FRMD5: variants seen among roughly 807,000 people sequenced by gnomAD.
The protein encoded by FRMD5 is FERM domain-containing protein 5.
Under a neutral mutation model 69.0 loss-of-function variants are expected in FRMD5, and 20 were observed. The observed-to-expected ratio is 0.29, with a 90% CI of 0.20 to 0.42. The LOEUF is 0.42. Ranked by LOEUF, FRMD5 falls within the 10% of genes least tolerant of loss-of-function variation. FRMD5 has a pLI of 1.00. For missense variants in FRMD5, 595 were observed against 708.6 expected (o/e 0.84, Z 1.82); for synonymous variants, 271 against 260.1 (o/e 1.04, Z -0.40).
chr15:43,901,889 C>T (rs2089054190), intron 7 of FRMD5: 1 of 388,508 alleles, frequency 2.6e-6, no homozygotes, highest in Admixed American at 4.3e-5. Flanking sequence ...CTTCCATATC[C>T]CTCCTCTCTT....
At chr15:44,004,540 C>T (rs1890351779) in intron 1 of FRMD5, among the ~76,000 whole-genome samples, 1 of 152,080 alleles carries the variant, frequency 6.6e-6, no homozygotes, top group African/African-American at 2.4e-5. Context: ...ATCTGTGATC[C>T]TTAATGTTAC....
At position 44,195,155 on chromosome 15, in the gene FRMD5, C is replaced by T. The variant is rs2078269773; in HGVS notation, c.-101G>A. ...CCGCACCGACCCCAGGCACCTGCAC[C>T]ATCACCCCGGCCCCGTCGCTGCCGT... On this transcript the variant is annotated 5_prime_UTR_variant, in exon 1 of 14. The change abolishes an upstream ATG in the 5' untranslated region. Coordinates refer to ENST00000417257, the MANE Select transcript of FRMD5 (RefSeq NM_032892.5). 2 of 887,914 alleles carry T rather than the reference C, an allele frequency of 2.3e-6. No homozygotes were observed. The highest frequency in any genetic ancestry group is 6.2e-5 in the East Asian group (2 of 32,162). 55.0% of individuals were successfully genotyped at this position (887,914 alleles called of 1,614,324 possible).
intron 1 of FRMD5, among the ~76,000 whole-genome samples, chr15:43,996,398 G>A (rs2140154328): frequency 6.6e-6 from 1 of 152,318 alleles, no homozygotes; most frequent in East Asian, 1.9e-4. Context: ...CTTTCTCCAT[G>A]CTGTGCTGTC....
chr15:44,163,582 C>T (rs1372227801), intron 1 of FRMD5, among the ~76,000 whole-genome samples: 2 of 152,186 alleles, frequency 1.3e-5, no homozygotes, highest in Non-Finnish European at 2.9e-5. Flanking sequence ...TATTCATCAT[C>T]CTCATATGAC....
At chr15:43,888,380 G>C (rs2088714525) in intron 9 of FRMD5, 114 bp from the exon 10 acceptor site, 1 of 693,800 alleles carries the variant, frequency 1.4e-6, no homozygotes, top group African/African-American at 1.8e-5. Context: ...GCTAGTTAGA[G>C]GGGAGGGCCT....
In FRMD5 at chr15:43,940,283, T is replaced by C. The variant is rs528066349; in HGVS notation, c.103-15974A>G. Among the ~76,000 whole-genome samples, 14 of 152,330 alleles carry C rather than the reference T, an allele frequency of 9.2e-5. No individual in the cohort carries two copies. In the South Asian group the frequency reaches 2.9e-3, roughly 32 times the overall value. ...TTTCTGGGGCAGCCTCCTCAGTGCA[T>C]TCAAGTCATCCCTGCACTCCAAGAA... On this transcript the variant is annotated intron_variant, in intron 1 of 13. Transcript: ENST00000417257.
chr15:44,061,866 G>T (rs771869036), intron 1 of FRMD5, among the ~76,000 whole-genome samples: 1 of 152,140 alleles, frequency 6.6e-6, no homozygotes, highest in African/African-American at 2.4e-5. Context: ...GATACCGGAC[G>T]TAATACTTCT....
chr15:44,113,789 GTTTC>G (rs1219946114), intron 1 of FRMD5, among the ~76,000 whole-genome samples: 1 of 152,048 alleles, frequency 6.6e-6, no homozygotes, highest in Non-Finnish European at 1.5e-5. Context: ...CTGATCATCA[GTTTC>G]TTTGTTTTTA....
intron 1 of FRMD5, among the ~76,000 whole-genome samples, chr15:44,044,865 A>G (rs1892363274): frequency 6.6e-6 from 1 of 152,050 alleles, no homozygotes; most frequent in South Asian, 2.1e-4. Flanking sequence ...TACCTATGTA[A>G]CAAACCTCCA....
At chr15:44,066,395 G>GA (rs1446684813) in intron 1 of FRMD5, among the ~76,000 whole-genome samples, 2 of 152,168 alleles carry the variant, frequency 1.3e-5, no homozygotes, top group Non-Finnish European at 2.9e-5. Context: ...ATGTGATAGG[G>GA]ATTCAAAGAT....
At chr15:43,885,311 T>G (rs8035395) in intron 11 of FRMD5, among the ~76,000 whole-genome samples, 4,183 of 152,250 alleles carry the variant, frequency 0.027, 196 homozygotes, top group African/African-American at 0.096. Flanking sequence ...TAGCTGGGAC[T>G]ACAGGTGTGT....
rs530126660 is a variant in FRMD5 at position 44,029,771 on chromosome 15, G to C, written c.103-105462C>G. On this transcript the variant is annotated intron_variant, in intron 1 of 13. Coordinates refer to ENST00000417257, the MANE Select transcript of FRMD5 (RefSeq NM_032892.5). ...CTTTAAAACAGAACAGATGCTTAGAGATTCCGATTCAGTAGGTCTGGGGTG... is the reference window on the plus strand; with the variant it reads ...CTTTAAAACAGAACAGATGCTTAGACATTCCGATTCAGTAGGTCTGGGGTG... Among the ~76,000 whole-genome samples, 14 of 152,312 alleles carry C rather than the reference G, an allele frequency of 9.2e-5. No individual in the cohort carries two copies. In the East Asian group the frequency reaches 2.7e-3, roughly 29 times the overall value.
intron 1 of FRMD5, among the ~76,000 whole-genome samples, chr15:44,138,110 C>A (rs1449159255): frequency 6.6e-6 from 1 of 152,148 alleles, no homozygotes; most frequent in Non-Finnish European, 1.5e-5. Flanking sequence ...TGGTTAACAA[C>A]TGTCATTCGA....
At chr15:44,159,599 G>A (rs971328113) in intron 1 of FRMD5, among the ~76,000 whole-genome samples, 1 of 152,164 alleles carries the variant, frequency 6.6e-6, no homozygotes, top group Non-Finnish European at 1.5e-5. Context: ...TTTTGTGCTT[G>A]AGCAATCAAG....
intron 1 of FRMD5, among the ~76,000 whole-genome samples, chr15:44,177,889 A>G (rs767057266): frequency 6.6e-6 from 1 of 152,246 alleles, no homozygotes; most frequent in South Asian, 2.1e-4. Flanking sequence ...ACAAAGGGGC[A>G]TAAGAGAAAT....
intron 8 of FRMD5, among the ~76,000 whole-genome samples, chr15:43,890,359 G>A (rs2088766139): frequency 6.6e-6 from 1 of 152,206 alleles, no homozygotes; most frequent in Non-Finnish European, 1.5e-5. Flanking sequence ...AAAAGTGTCT[G>A]TGAGAACCAA....
chr15:44,051,702 G>GT lies in FRMD5; in HGVS notation c.103-127394dup, dbSNP rs944687848. Among the ~76,000 whole-genome samples the GT allele has an allele frequency of 4.6e-5, 7 of 151,684 alleles. No individual in the cohort carries two copies. In the South Asian group the frequency reaches 6.3e-4, roughly 14 times the overall value. Reference sequence around the variant, plus strand: ...CGTTACTGTTTTTTAGATTTTCCTTGTTTTTTTATGATCTTGACAGTTTCG... The same window carrying GT: ...CGTTACTGTTTTTTAGATTTTCCTTGTTTTTTTTATGATCTTGACAGTTTCG... On this transcript the variant is annotated intron_variant, in intron 1 of 13. Coordinates refer to ENST00000417257, the MANE Select transcript of FRMD5 (RefSeq NM_032892.5).
intron 1 of FRMD5, among the ~76,000 whole-genome samples, chr15:44,088,906 A>C (rs183742275): frequency 4.6e-5 from 7 of 152,304 alleles, no homozygotes; most frequent in African/African-American, 1.7e-4. Flanking sequence ...CTAAGCCCCT[A>C]AACTGTTAAG....
chr15:43,874,903 T>TA (rs965458996), intron 13 of FRMD5, among the ~76,000 whole-genome samples: 2 of 149,336 alleles, frequency 1.3e-5, no homozygotes, highest in Non-Finnish European at 3.0e-5. Context: ...GATTCCATCT[T>TA]AAAAAAAAGA....
Sources: gnomAD v4.1 joint callset for allele counts (sites outside exome capture counted in the v4.1 genomes callset) on GRCh38, gnomAD v4.1.1 for gene constraint, MANE v1.5 for transcripts, NCBI Gene and HGNC (gene_info 2026-07-23, HGNC 2026-07-21) for gene names.